WFDC6: variants seen among roughly 807,000 people sequenced by gnomAD.
WFDC6 encodes the protein WAP four-disulfide core domain protein 6.
Under a neutral mutation model 8.2 loss-of-function variants are expected in WFDC6, and 10 were observed. That is an observed-to-expected ratio of 1.22 (90% CI 0.75 to 2.07). WFDC6 has a LOEUF of 2.07. Among genes scored for constraint, WFDC6 ranks in the 30% most tolerant of loss-of-function variants. The pLI is 0.00. For missense variants in WFDC6, 105 were observed against 104.9 expected, an observed-to-expected ratio of 1.00 and a Z score of 0.00; for synonymous variants, 28 against 37.0, an observed-to-expected ratio of 0.76 and a Z score of 0.88.
chr20:45,538,000 C>A lies in WFDC6; in HGVS notation c.186G>T (p.Pro62=). The part of the protein sequence containing the change: ...RDCPENMKCC[P]FSRGKKCLDF... ...CTAAACATTTCTTTCCACGGCTGAACGGGCAACACTTCATGTTTTCTGGGC... is the reference window on the plus strand; with the variant it reads ...CTAAACATTTCTTTCCACGGCTGAAAGGGCAACACTTCATGTTTTCTGGGC... Residue 62 remains proline, a synonymous_variant, in exon 2 of 3, where the codon CCG becomes CCT. Transcript: ENST00000372670. 1 of 1,613,966 alleles carries A rather than the reference C, an allele frequency of 6.2e-7. No individual in the cohort carries two copies. The highest frequency in any genetic ancestry group is 8.5e-7 in the Non-Finnish European group (1 of 1,179,914).
In WFDC6 at chr20:45,534,439, G is replaced by A; in HGVS notation, c.*28C>T. On this transcript the variant is annotated 3_prime_UTR_variant, in exon 3 of 3. Coordinates refer to ENST00000372670, the MANE Select transcript of WFDC6 (RefSeq NM_080827.2). ...ATCAATCAGGCACACGTGGAGAGAG[G>A]CCTGGATTATGAGCCAAATCCTGGA... 1 of 1,613,768 alleles carries A rather than the reference G, an allele frequency of 6.2e-7. No individual in the cohort carries two copies. Among genetic ancestry groups the A allele is most frequent in the Non-Finnish European group, 8.5e-7 (1 of 1,179,684 alleles).
At chr20:45,539,072 G>C (rs1464540297) in intron 1 of WFDC6, among the ~76,000 whole-genome samples, 2 of 152,170 alleles carry the variant, frequency 1.3e-5, no homozygotes, top group Admixed American at 6.5e-5. Flanking sequence ...ATGAGCTCTA[G>C]GTCCAGGCAC....
chr20:45,538,657 T>C (rs1223630855), intron 1 of WFDC6, among the ~76,000 whole-genome samples: 1 of 152,198 alleles, frequency 6.6e-6, no homozygotes, highest in Non-Finnish European at 1.5e-5. Context: ...CTTTTCTCCT[T>C]AATCCTCATT....
At chr20:45,538,203 C>G (rs1979444795) in intron 1 of WFDC6, 109 bp from the exon 2 acceptor site, 4 of 1,568,380 alleles carry the variant, frequency 2.6e-6, no homozygotes, top group Non-Finnish European at 2.6e-6. Context: ...TCCACTTCAC[C>G]TATCCCCAGA....
At chr20:45,534,658 A>G (rs1006144000) in intron 2 of WFDC6, among the ~76,000 whole-genome samples, 153 bp from the exon 3 acceptor site, 1 of 152,222 alleles carries the variant, frequency 6.6e-6, no homozygotes, top group African/African-American at 2.4e-5. Context: ...TAGAATGATC[A>G]TGAGTTCTGA....
chr20:45,538,396 T>C (rs1979454297), intron 1 of WFDC6, among the ~76,000 whole-genome samples: 1 of 152,208 alleles, frequency 6.6e-6, no homozygotes, highest in Non-Finnish European at 1.5e-5. Flanking sequence ...CTGTGCTTGG[T>C]TGCTCCCCCA....
chr20:45,534,540 G>C (rs1030482910), intron 2 of WFDC6, 35 bp from the exon 3 acceptor site: 7 of 1,611,516 alleles, frequency 4.3e-6, no homozygotes, highest in Non-Finnish European at 5.9e-6. Context: ...GAGATGCTTG[G>C]ACCCTGACCA....
At chr20:45,537,437 C>T (rs572214851) in intron 2 of WFDC6, 16 of 1,219,296 alleles carry the variant, frequency 1.3e-5, no homozygotes, top group East Asian at 7.6e-5. Context: ...ATAGAATGAA[C>T]GAATGGTCCT....
chr20:45,539,010 T>G (rs930953229), intron 1 of WFDC6, among the ~76,000 whole-genome samples: 11 of 152,066 alleles, frequency 7.2e-5, no homozygotes, highest in African/African-American at 2.7e-4. Flanking sequence ...GAGCAGCCTG[T>G]TTTTCTTGTG....
intron 2 of WFDC6, among the ~76,000 whole-genome samples, chr20:45,535,612 C>T (rs1160782067): frequency 6.6e-6 from 1 of 152,188 alleles, no homozygotes; most frequent in African/African-American, 2.4e-5. Flanking sequence ...CCTTGCCTCC[C>T]CAACATCTGA....
chr20:45,535,143 G>C (rs772543849), intron 2 of WFDC6: 1 of 1,299,720 alleles, frequency 7.7e-7, no homozygotes, highest in East Asian at 5.6e-5. Flanking sequence ...ACAGGAGACC[G>C]GGACCTCTGG....
intron 2 of WFDC6, among the ~76,000 whole-genome samples, chr20:45,536,465 C>G (rs147004267): frequency 6.6e-6 from 1 of 152,276 alleles, no homozygotes; most frequent in South Asian, 2.1e-4. Flanking sequence ...CATCTATTAA[C>G]ATTTAATCTT....
chr20:45,539,220 G>T, intron 1 of WFDC6, 97 bp downstream of exon 1: 1 of 1,210,610 alleles, frequency 8.3e-7, no homozygotes, highest in African/African-American at 1.5e-5. Context: ...AGGCAGAGGT[G>T]GAGAAAATAA....
intron 2 of WFDC6, chr20:45,537,313 G>A: frequency 1.7e-6 from 1 of 589,104 alleles, no homozygotes; most frequent in East Asian, 2.8e-5. Flanking sequence ...TCATCTTTCA[G>A]ATCTTAAATC....
intron 2 of WFDC6, chr20:45,535,222 G>A: frequency 7.7e-7 from 1 of 1,304,224 alleles, no homozygotes; most frequent in Non-Finnish European, 1.0e-6. Flanking sequence ...TGTTCCCCTG[G>A]CTACCGCCAT....
Position 45,538,044 on chromosome 20 carries a change from A to G in WFDC6, c.142T>C (p.Cys48Arg), listed in dbSNP as rs947545053. Residue 48 changes from cysteine to arginine, a missense_variant, in exon 2 of 3, where the codon TGT (cysteine) becomes CGT (arginine). By Grantham distance (180) the Cys-to-Arg change is radical. Transcript: ENST00000372670. The part of the protein sequence containing the change: ...VECEVEEIDQ[C>R]TKPRDCPENM... ...TCTGGGCAATCTCTGGGTTTGGTAC[A>G]CTGGTCTATTTCTTCCACTTCGCAT... 1.2e-6 allele frequency: 2 copies of G among 1,613,984 alleles called. No homozygotes were observed. The highest frequency in any genetic ancestry group is 1.7e-6 in the Non-Finnish European group (2 of 1,179,946).
Position 45,537,997 on chromosome 20 carries a change from G to A in WFDC6, c.189C>T (p.Phe63=), listed in dbSNP as rs1478439149. 6.2e-7 allele frequency: 1 copy of A among 1,614,020 alleles called. No homozygotes were observed. Among genetic ancestry groups the A allele is most frequent in the South Asian group, 1.1e-5 (1 of 91,068 alleles). ...AGTCTAAACATTTCTTTCCACGGCTGAACGGGCAACACTTCATGTTTTCTG... is the reference window on the plus strand; with the variant it reads ...AGTCTAAACATTTCTTTCCACGGCTAAACGGGCAACACTTCATGTTTTCTG... The part of the protein sequence containing the change: ...DCPENMKCCP[F]SRGKKCLDFR... The change falls in exon 2 of 3, where the codon TTC becomes TTT. Residue 63 remains phenylalanine, a synonymous_variant. Coordinates refer to ENST00000372670, the MANE Select transcript of WFDC6 (RefSeq NM_080827.2).
At chr20:45,534,722 G>A (rs1979299109) in intron 2 of WFDC6, among the ~76,000 whole-genome samples, 1 of 152,140 alleles carries the variant, frequency 6.6e-6, no homozygotes. Context: ...ATAATTAATG[G>A]CACCTCACCT....
chr20:45,537,650 C>T, intron 2 of WFDC6: 1 of 1,299,398 alleles, frequency 7.7e-7, no homozygotes, highest in Non-Finnish European at 1.1e-6. Context: ...TTGGTGACTA[C>T]TTGGCATCTC....
Sources: gnomAD v4.1 joint callset for allele counts (sites outside exome capture counted in the v4.1 genomes callset) on GRCh38, gnomAD v4.1.1 for gene constraint, MANE v1.5 for transcripts, NCBI Gene and HGNC (gene_info 2026-07-23, HGNC 2026-07-21) for gene names.